LRRC37B: variants seen among roughly 807,000 people sequenced by gnomAD.
LRRC37B encodes leucine rich repeat containing 37B, also known as leucine-rich repeat-containing protein 37B.
In LRRC37B, 28 loss-of-function variants were observed where a neutral mutation model predicts 98.3. The observed-to-expected ratio is 0.28, with a 90% CI of 0.21 to 0.39. The LOEUF is 0.39. LRRC37B is among the 10% of genes least tolerant of loss of function. The probability of loss-of-function intolerance (pLI) is 1.00; values close to 1 mark genes in which losing one functional copy is unlikely to be tolerated. For missense variants in LRRC37B, 938 were observed against 1,182.7 expected (o/e 0.79, Z 3.03); for synonymous variants, 364 against 442.7 (o/e 0.82, Z 2.23).
intron 1 of LRRC37B, among the ~76,000 whole-genome samples, chr17:32,011,845 TATTTTC>T (rs1369944961): frequency 1.3e-5 from 2 of 152,280 alleles, no homozygotes; most frequent in African/African-American, 4.8e-5. Context: ...ATATATGTTT[TATTTTC>T]ATTTTCATTT....
chr17:32,015,976 G>A (rs1910641399), intron 1 of LRRC37B, among the ~76,000 whole-genome samples: 1 of 152,312 alleles, frequency 6.6e-6, no homozygotes, highest in South Asian at 2.1e-4. Context: ...CAGAATTTCA[G>A]CAAAGTAAGA....
chr17:32,034,145 T>C lies in LRRC37B; in HGVS notation c.2058-765T>C, dbSNP rs1266160970. On this transcript the variant is annotated intron_variant, in intron 5 of 11. Coordinates refer to ENST00000327564, the Ensembl canonical transcript of LRRC37B. ...TTCTTTGGGTATAAAGCAAAAGAATTGGTCCTATTTTTTTTCCTTAACTGT... is the reference window on the plus strand; with the variant it reads ...TTCTTTGGGTATAAAGCAAAAGAATCGGTCCTATTTTTTTTCCTTAACTGT... The C allele has an allele frequency of 1.3e-4, 20 of 152,282 alleles. No homozygotes were observed. The East Asian group carries it at 3.9e-3, about 29-fold the overall frequency. The allele number at this position is 152,282 out of a possible 1,614,324, so 9.4% of individuals were successfully genotyped here. A position where few individuals can be genotyped will look rare whatever the true frequency, so the allele number is the denominator to read the frequency against.
rs968050063 is a variant in LRRC37B, at chr17:32,047,726, T to C, written c.2324-35T>C. The C allele has an allele frequency of 5.0e-6, 8 of 1,613,384 alleles. No homozygotes were observed. In the African/African-American group the frequency reaches 1.1e-4, roughly 22 times the overall value. On this transcript the variant is annotated intron_variant, in intron 8 of 11. Coordinates refer to ENST00000327564, the Ensembl canonical transcript of LRRC37B. ...TGAGTATGAAAGATGATCAAAGATA[T>C]TTCATGATCAAAGCAGTCTCTTCTT...
intron 5 of LRRC37B, among the ~76,000 whole-genome samples, chr17:32,032,393 A>G (rs1393411271): frequency 1.3e-5 from 2 of 152,210 alleles, no homozygotes; most frequent in Non-Finnish European, 2.9e-5. Context: ...TGTAAAGAAA[A>G]TACATCGCTC....
chr17:32,047,304 G>C (rs2627096), intron 8 of LRRC37B: 187 of 219,220 alleles, frequency 8.5e-4, no homozygotes, highest in Middle Eastern at 1.9e-3. Flanking sequence ...GACCGCCTTT[G>C]ATTGCATTCA....
intron 8 of LRRC37B, among the ~76,000 whole-genome samples, chr17:32,046,250 A>G (rs1411899094): frequency 6.6e-6 from 1 of 152,228 alleles, no homozygotes; most frequent in Non-Finnish European, 1.5e-5. Flanking sequence ...TTGTTTTTAC[A>G]GTTTTATAAG....
At chr17:32,021,812 G>C (rs780411751) in exon 1 of LRRC37B, 1 of 1,614,152 alleles carries the variant, frequency 6.2e-7, no homozygotes, top group East Asian at 2.2e-5. Flanking sequence ...AACAGACTTT[G>C]CCAGATGATT....
intron 1 of LRRC37B, among the ~76,000 whole-genome samples, chr17:32,009,456 A>C (rs1239384321): frequency 6.6e-6 from 1 of 151,736 alleles, no homozygotes; most frequent in African/African-American, 2.4e-5. Flanking sequence ...TTTGTTTTAA[A>C]TAGAGATGGG....
chr17:32,027,497 T>A (rs1277127540), intron 2 of LRRC37B, among the ~76,000 whole-genome samples: 6 of 116,080 alleles, frequency 5.2e-5, no homozygotes, highest in African/African-American at 2.0e-4. Flanking sequence ...GTGGGTGTGC[T>A]TGTGTGTGTG....
intron 5 of LRRC37B, chr17:32,033,992 GA>G: frequency 6.6e-6 from 1 of 152,300 alleles, no homozygotes; most frequent in South Asian, 2.1e-4. Context: ...GATAGCCCAG[GA>G]GACTGACAAG....
intron 7 of LRRC37B, chr17:32,041,241 G>A: frequency 1.3e-6 from 1 of 769,388 alleles, no homozygotes. Flanking sequence ...GTCCAATGGG[G>A]GCTTCCCCTG....
chr17:32,020,833 G>T (rs1031622880), upstream of LRRC37B: 11 of 821,586 alleles, frequency 1.3e-5, no homozygotes, highest in Non-Finnish European at 1.9e-5. Flanking sequence ...AAGCTCTGCC[G>T]TGCCCCCACC....
chr17:32,022,612 C>A (rs775464654), exon 1 of LRRC37B: 2 of 1,613,916 alleles, frequency 1.2e-6, no homozygotes, highest in African/African-American at 1.3e-5. Context: ...ACTGAAGTCA[C>A]AGGTCCACCT....
At chr17:32,027,238 A>T (rs376490316) in intron 2 of LRRC37B, among the ~76,000 whole-genome samples, 11 of 152,044 alleles carry the variant, frequency 7.2e-5, no homozygotes, top group East Asian at 3.9e-4. Context: ...CCACCCAGAG[A>T]TGGATTCTGA....
At chr17:32,037,081 A>C (rs993996888) in intron 7 of LRRC37B, among the ~76,000 whole-genome samples, 3 of 138,574 alleles carry the variant, frequency 2.2e-5, no homozygotes, top group African/African-American at 8.1e-5. Context: ...CTACCTCCTG[A>C]GTTCAAACAG....
At chr17:32,040,931 C>T in intron 7 of LRRC37B, 2 of 961,348 alleles carry the variant, frequency 2.1e-6, no homozygotes, top group South Asian at 1.3e-5. Context: ...TGGACTTTGA[C>T]TAAAAGAAGC....
chr17:32,038,266 C>G (rs1171512072), intron 7 of LRRC37B, among the ~76,000 whole-genome samples: 1 of 152,036 alleles, frequency 6.6e-6, no homozygotes, highest in African/African-American at 2.4e-5. Flanking sequence ...TTTAGACCAC[C>G]TGGGCAATAT....
In LRRC37B at chr17:32,022,268, C is replaced by T. The variant is rs528042206; in HGVS notation, c.1203C>T (p.Pro401=). The change falls in exon 1 of 12, where the codon CCC becomes CCT. Residue 401 remains proline (P), a synonymous_variant. Transcript: ENST00000327564. ...AGCAGGAGGCCCCAATTCAGCCTCCCGAGGAGGCGGAACCTTCTTCTACAG... is the reference window on the plus strand; with the variant it reads ...AGCAGGAGGCCCCAATTCAGCCTCCTGAGGAGGCGGAACCTTCTTCTACAG... 32 of 1,613,924 alleles carry T rather than the reference C, an allele frequency of 2.0e-5. No individual in the cohort carries two copies. The highest frequency in any genetic ancestry group is 1.6e-4 in the African/African-American group (12 of 75,022).
At chr17:32,027,631 G>C in intron 2 of LRRC37B, 138 bp from the exon 6 acceptor site, 1 of 1,079,054 alleles carries the variant, frequency 9.3e-7, no homozygotes, top group Non-Finnish European at 1.3e-6. Context: ...GGAAGAAAAG[G>C]TTTGAACGAA....
Sources: gnomAD v4.1 joint callset for allele counts (sites outside exome capture counted in the v4.1 genomes callset) on GRCh38, gnomAD v4.1.1 for gene constraint, MANE v1.5 for transcripts, NCBI Gene and HGNC (gene_info 2026-07-23, HGNC 2026-07-21) for gene names.